The following P2RX3 variants were observed in gnomAD, a reference collection of about 807,000 sequenced individuals.
The protein encoded by P2RX3 is P2X purinoceptor 3.
Under a neutral mutation model 51.5 loss-of-function variants are expected in P2RX3, and 41 were observed. That is an observed-to-expected ratio of 0.80 (90% CI 0.62 to 1.03). The LOEUF (loss-of-function observed/expected upper bound fraction) is 1.03, where lower values mean the gene tolerates loss of function less well. P2RX3 is among the 50% of genes least tolerant of loss of function. The pLI is 0.00. For missense variants in P2RX3, 459 were observed against 522.1 expected (o/e 0.88, Z 1.18); for synonymous variants, 185 against 191.6 (o/e 0.97, Z 0.29).
At chr11:57,343,023 AAATGCCAAG>A (rs1175745428) in intron 1 of P2RX3, among the ~76,000 whole-genome samples, 1 of 152,224 alleles carries the variant, frequency 6.6e-6, no homozygotes, top group Non-Finnish European at 1.5e-5. Context: ...GCAGCAGAGT[AAATGCCAAG>A]AATCGAAGGC....
chr11:57,341,899 A>T (rs10896609), intron 1 of P2RX3, among the ~76,000 whole-genome samples: 57,657 of 151,890 alleles, frequency 0.38, 12,755 homozygotes, highest in East Asian at 0.7. Context: ...TGCCATCTGT[A>T]CAGCCCCATG....
In P2RX3 at chr11:57,348,208, C is replaced by T. The variant is rs1425168876; in HGVS notation, c.430C>T (p.Leu144Phe). Reference protein sequence around the residue: ...TGRCVNYSSVLRTCEIQGWCP... With the variant: ...TGRCVNYSSVFRTCEIQGWCP... ...CCGCTGCGTGAACTACAGCTCTGTG[C>T]TCCGGACCTGTGAGATCCAGGGCTG... The change falls in exon 5 of 12, where the codon CTC becomes TTC. Residue 144 changes from leucine (L) to phenylalanine (F), a missense_variant. Leu to Phe is a conservative substitution (Grantham distance 22, BLOSUM62 0). Coordinates refer to ENST00000263314, the MANE Select transcript of P2RX3 (RefSeq NM_002559.5). The T allele has an allele frequency of 1.5e-5, 24 of 1,601,800 alleles. No homozygotes were observed. Among genetic ancestry groups the T allele is most frequent in the Non-Finnish European group, 2.0e-5 (23 of 1,174,610 alleles).
rs1301534408 is a variant in P2RX3, at chr11:57,338,682, C to A, written c.119+13C>A. ...CCTACTTTGTAGGGTGAGTCTGTGG[C>A]CTTTCAGGTTCCTGGCGGGGTGGGC... On this transcript the variant is annotated intron_variant, in intron 1 of 11. Transcript: ENST00000263314. 1 of 1,555,382 alleles carries A rather than the reference C, an allele frequency of 6.4e-7. No homozygotes were observed. The highest frequency in any genetic ancestry group is 8.8e-7 in the Non-Finnish European group (1 of 1,132,900).
intron 8 of P2RX3, among the ~76,000 whole-genome samples, chr11:57,366,979 G>A (rs1209903779): frequency 6.6e-6 from 1 of 152,186 alleles, no homozygotes; most frequent in African/African-American, 2.4e-5. Context: ...ATGAAGTTTC[G>A]ACATGAGTTT....
intron 5 of P2RX3, 117 bp downstream of exon 5, chr11:57,348,380 C>G: frequency 9.7e-7 from 1 of 1,030,806 alleles, no homozygotes; most frequent in South Asian, 1.7e-5. Flanking sequence ...CAGTGTTGTC[C>G]CTTCCTGGTG....
intron 10 of P2RX3, among the ~76,000 whole-genome samples, chr11:57,368,718 G>A (rs147702460): frequency 6.6e-6 from 1 of 152,132 alleles, no homozygotes; most frequent in Non-Finnish European, 1.5e-5. Context: ...CCGTATAGCT[G>A]GGGGAGGAGG....
At chr11:57,361,969 T>C (rs1856726614) in intron 8 of P2RX3, among the ~76,000 whole-genome samples, 1 of 152,194 alleles carries the variant, frequency 6.6e-6, no homozygotes, top group South Asian at 2.1e-4. Flanking sequence ...ACTTATGGGC[T>C]TGTGTGGTTA....
At chr11:57,342,262 C>T (rs966938352) in intron 1 of P2RX3, among the ~76,000 whole-genome samples, 6 of 148,100 alleles carry the variant, frequency 4.1e-5, no homozygotes, top group East Asian at 2.0e-4. Context: ...TGGGTTGAAG[C>T]GACTCTCCTG....
At chr11:57,341,893 A>G (rs2134406600) in intron 1 of P2RX3, among the ~76,000 whole-genome samples, 1 of 152,214 alleles carries the variant, frequency 6.6e-6, no homozygotes, top group South Asian at 2.1e-4. Flanking sequence ...CAAACTTGCC[A>G]TCTGTACAGC....
At chr11:57,342,148 CTTTTTTTTTTTT>C (rs67011422) in intron 1 of P2RX3, among the ~76,000 whole-genome samples, 142 of 48,428 alleles carry the variant, frequency 2.9e-3, no homozygotes, top group South Asian at 4.9e-3. Flanking sequence ...GCTGCCCCAT[CTTTTTTTTTTTT>C]TTTTTTTTTT....
intron 1 of P2RX3, chr11:57,340,669 G>A (rs1270802386): frequency 6.6e-6 from 1 of 152,314 alleles, no homozygotes; most frequent in Non-Finnish European, 1.5e-5. Context: ...GGCAAGAGAT[G>A]GCATTCATCT....
At chr11:57,338,142 G>A (rs1424261361), upstream of P2RX3, among the ~76,000 whole-genome samples, 2 of 152,212 alleles carry the variant, frequency 1.3e-5, no homozygotes, top group East Asian at 3.8e-4. Context: ...GGGAGAGTGT[G>A]AGCAGCTGGT....
chr11:57,361,893 A>T (rs1207598386), intron 8 of P2RX3, among the ~76,000 whole-genome samples: 1 of 152,166 alleles, frequency 6.6e-6, no homozygotes, highest in African/African-American at 2.4e-5. Context: ...TAGGTTAGAC[A>T]TCTAACTGTG....
At chr11:57,364,119 G>T (rs752711227) in intron 8 of P2RX3, among the ~76,000 whole-genome samples, 10 of 152,134 alleles carry the variant, frequency 6.6e-5, no homozygotes, top group African/African-American at 1.9e-4. Flanking sequence ...CAGCAGTAAA[G>T]ATTTCCGGAT....
rs764906805 is a variant in P2RX3, at chr11:57,338,661, C to T, written c.111C>T (p.Tyr37=). 2.8e-5 allele frequency: 45 copies of T among 1,581,756 alleles called. No individual in the cohort carries two copies. Among genetic ancestry groups the T allele is most frequent in the Non-Finnish European group, 3.9e-5 (45 of 1,153,480 alleles). Residue 37 remains tyrosine, a synonymous_variant, in exon 1 of 12, where the codon TAC becomes TAT. Coordinates refer to ENST00000263314, the MANE Select transcript of P2RX3 (RefSeq NM_002559.5). ...TAGTTCAGCTTCTGATCATCTCCTA[C>T]TTTGTAGGGTGAGTCTGTGGCCTTT... ...NRVVQLLIIS[Y]FVGWVFLHEK... is the part of the protein sequence containing the mutation.
At chr11:57,336,569 C>T (rs1432803760), upstream of P2RX3, among the ~76,000 whole-genome samples, 2 of 152,168 alleles carry the variant, frequency 1.3e-5, no homozygotes, top group African/African-American at 2.4e-5. Flanking sequence ...TCTACCCCAA[C>T]CTCCTTTTAC....
At chr11:57,354,675 G>A (rs1029697783) in intron 8 of P2RX3, among the ~76,000 whole-genome samples, 9 of 152,098 alleles carry the variant, frequency 5.9e-5, no homozygotes, top group South Asian at 2.1e-4. Flanking sequence ...ATGCGAGTTC[G>A]TGAGAGTGGG....
At chr11:57,346,030 C>G (rs1052578913) in intron 1 of P2RX3, among the ~76,000 whole-genome samples, 1 of 152,198 alleles carries the variant, frequency 6.6e-6, no homozygotes, top group Non-Finnish European at 1.5e-5. Context: ...TACTGAGCTA[C>G]TTTGTGTTGG....
chr11:57,372,073 T>A lies in P2RX3; in HGVS notation c.*2076T>A, dbSNP rs191693472. Among the ~76,000 whole-genome samples, 64 of 152,380 alleles carry A rather than the reference T, an allele frequency of 4.2e-4. 1 individual carries two copies. Among genetic ancestry groups the A allele is most frequent in the East Asian group, 1.7e-3 (9 of 5,190 alleles). Reference sequence around the variant, plus strand: ...TCAGTAGTGATAAAAACAGCTACCTTGTCTCTGTTGCATTATGGTTTACTC... The same window carrying A: ...TCAGTAGTGATAAAAACAGCTACCTAGTCTCTGTTGCATTATGGTTTACTC... On this transcript the variant is annotated 3_prime_UTR_variant, in exon 12 of 12. Transcript: ENST00000263314.
Sources: gnomAD v4.1 joint callset for allele counts (sites outside exome capture counted in the v4.1 genomes callset) on GRCh38, gnomAD v4.1.1 for gene constraint, MANE v1.5 for transcripts, NCBI Gene and HGNC (gene_info 2026-07-23, HGNC 2026-07-21) for gene names.